The following ACACA variants were observed in gnomAD, a reference collection of about 807,000 sequenced individuals.
The protein encoded by ACACA is acetyl-CoA carboxylase 1.
A neutral mutation model predicts 296.1 loss-of-function variants in ACACA; 103 were observed. The ratio of observed to expected loss-of-function variants is 0.35; its 90% CI spans 0.30 to 0.41. The LOEUF (loss-of-function observed/expected upper bound fraction) is 0.41. ACACA is among the 10% of genes least tolerant of loss of function. ACACA has a pLI of 1.00. For missense variants in ACACA, 1,554 were observed against 2,989.7 expected (o/e 0.52, Z 11.20); for synonymous variants, 953 against 1,038.6 (o/e 0.92, Z 1.58).
In ACACA at chr17:37,097,684, T is replaced by G; in HGVS notation, c.6720+146A>C. On this transcript the variant is annotated intron_variant, in intron 53 of 55. Transcript: ENST00000616317. This position sits in a 1 kb window ranked among gnomAD's most constrained non-coding sequence, Gnocchi z 4.8. Reference sequence around the variant, plus strand: ...ATAACAGTTACAGAAACAGTGAAAATCTAAAAAATATTGAAAATGTTTTGA... The same window carrying G: ...ATAACAGTTACAGAAACAGTGAAAAGCTAAAAAATATTGAAAATGTTTTGA... 1.0e-6 allele frequency: 1 copy of G among 997,784 alleles called. No individual in the cohort carries two copies. The highest frequency in any genetic ancestry group is 1.5e-6 in the Non-Finnish European group (1 of 679,418). The allele number at this position is 997,784 out of a possible 1,614,324, so 61.8% of individuals were successfully genotyped here.
intron 47 of ACACA, among the ~76,000 whole-genome samples, chr17:37,128,024 C>CAAAAAAAAAAAAAA (rs1173864454): frequency 5.0e-5 from 2 of 39,714 alleles, no homozygotes; most frequent in Non-Finnish European, 9.2e-5. Context: ...AACTCCATCT[C>CAAAAAAAAAAAAAA]AAAAAAAAAA....
intron 1 of ACACA, among the ~76,000 whole-genome samples, chr17:37,382,795 G>A (rs564637527): frequency 6.6e-6 from 1 of 152,210 alleles, no homozygotes; most frequent in African/African-American, 2.4e-5. Context: ...AGGATGCAGA[G>A]GTTGTAGGGA....
chr17:37,157,529 A>ATTT (rs1232893626), intron 42 of ACACA, among the ~76,000 whole-genome samples: 6 of 111,938 alleles, frequency 5.4e-5, no homozygotes, highest in African/African-American at 2.3e-4. Context: ...AGATCATTCT[A>ATTT]TCTTTTTTTT....
intron 14 of ACACA, 87 bp downstream of exon 14, chr17:37,257,616 G>C: frequency 7.5e-7 from 1 of 1,340,102 alleles, no homozygotes; most frequent in South Asian, 1.2e-5. Context: ...TTTGACAGCA[G>C]ATGATTCCTA....
At chr17:37,232,517 G>C (rs1288192387) in intron 25 of ACACA, among the ~76,000 whole-genome samples, 1 of 152,062 alleles carries the variant, frequency 6.6e-6, no homozygotes, top group African/African-American at 2.4e-5. Context: ...AGAAGGAAGG[G>C]GGAACAGCTA....
At chr17:37,168,545 G>GA (rs139937394) in intron 41 of ACACA, among the ~76,000 whole-genome samples, 65 of 151,646 alleles carry the variant, frequency 4.3e-4, no homozygotes, top group African/African-American at 1.3e-3. Context: ...TTTAAGGGGG[G>GA]AAAAAAATCT....
At chr17:37,170,502 C>T (rs756149710) in intron 41 of ACACA, among the ~76,000 whole-genome samples, 3 of 152,092 alleles carry the variant, frequency 2.0e-5, no homozygotes, top group Non-Finnish European at 4.4e-5. Context: ...TTATTCACAA[C>T]CTCCGATCAG....
At position 37,274,699 on chromosome 17, in the gene ACACA, T is replaced by C. The variant is rs929492877; in HGVS notation, c.902-400A>G. On this transcript the variant is annotated intron_variant, in intron 8 of 55. Transcript: ENST00000616317. Reference sequence around the variant, plus strand: ...TTCAATCTTTATGAGCCCTTGGAAATAGAAATGGCGGTTTTATTGGCCTCA... The same window carrying C: ...TTCAATCTTTATGAGCCCTTGGAAACAGAAATGGCGGTTTTATTGGCCTCA... The C allele has an allele frequency of 4.1e-6, 4 of 984,892 alleles. No homozygotes were observed. The African/African-American group carries it at 7.0e-5, about 17-fold the overall frequency. 61.0% of individuals were successfully genotyped at this position (984,892 alleles called of 1,614,324 possible).
At chr17:37,246,585 A>G (rs990406368) in intron 19 of ACACA, among the ~76,000 whole-genome samples, 4 of 152,012 alleles carry the variant, frequency 2.6e-5, no homozygotes, top group Non-Finnish European at 5.9e-5. Flanking sequence ...GGCATGTGCC[A>G]CTGTACGCCG....
chr17:37,349,697 C>G (rs2147455145), intron 1 of ACACA, among the ~76,000 whole-genome samples: 1 of 151,374 alleles, frequency 6.6e-6, no homozygotes, highest in South Asian at 2.1e-4. Context: ...GCTGGGATTA[C>G]AGGTACCCAC....
chr17:37,274,164 G>C, intron 9 of ACACA, 29 bp downstream of exon 9: 1 of 1,565,660 alleles, frequency 6.4e-7, no homozygotes, highest in Non-Finnish European at 8.8e-7. Flanking sequence ...TCAGCTGAAA[G>C]GTATCACTCC....
At chr17:37,146,667 GA>G (rs1256839488) in intron 45 of ACACA, among the ~76,000 whole-genome samples, 3 of 133,066 alleles carry the variant, frequency 2.3e-5, no homozygotes, top group Admixed American at 1.5e-4. Flanking sequence ...AGGTGGGGGG[GA>G]AGGGGGGGGC....
At chr17:37,306,041 C>T (rs919453887) in intron 3 of ACACA, among the ~76,000 whole-genome samples, 6 of 151,366 alleles carry the variant, frequency 4.0e-5, no homozygotes, top group Non-Finnish European at 8.8e-5. Flanking sequence ...CCCGAGCAGC[C>T]GGGACTACAG....
rs1179061292 is a variant in ACACA, at chr17:37,259,348, AG to A, written c.1500+11del. The A allele has an allele frequency of 1.9e-6, 3 of 1,613,978 alleles. No individual in the cohort carries two copies. Among genetic ancestry groups the A allele is most frequent in the Non-Finnish European group, 2.5e-6 (3 of 1,180,018 alleles). On this transcript the variant is annotated intron_variant, in intron 12 of 55. Coordinates refer to ENST00000616317, the MANE Select transcript of ACACA (RefSeq NM_198834.3). Reference sequence around the variant, plus strand: ...TTTTCTAGGCTCTGCAACCCAGATCAGGGAGACTCACCTGGAGCTGTGCTGC... The same window carrying A: ...TTTTCTAGGCTCTGCAACCCAGATCAGGAGACTCACCTGGAGCTGTGCTGC...
intron 24 of ACACA, among the ~76,000 whole-genome samples, chr17:37,238,193 A>T (rs553438375): frequency 1.3e-5 from 2 of 152,214 alleles, no homozygotes; most frequent in East Asian, 3.9e-4. Context: ...TAACCATTTA[A>T]CAGCTTCACC....
chr17:37,217,231 A>T (rs1255905125), intron 29 of ACACA, among the ~76,000 whole-genome samples: 4 of 138,874 alleles, frequency 2.9e-5, no homozygotes, highest in African/African-American at 1.1e-4. Context: ...ACTGCACTCC[A>T]GCCTGGGCAA....
chr17:37,339,007 G>GGGAGGGAA, intron 2 of ACACA, among the ~76,000 whole-genome samples: 1 of 151,960 alleles, frequency 6.6e-6, no homozygotes, highest in African/African-American at 2.4e-5. Flanking sequence ...GAGGGAAAAA[G>GGGAGGGAA]AAAGAAAGGG....
At chr17:37,348,585 G>A (rs962371533) in intron 1 of ACACA, among the ~76,000 whole-genome samples, 1 of 152,150 alleles carries the variant, frequency 6.6e-6, no homozygotes, top group Admixed American at 6.5e-5. Flanking sequence ...ATAGGTTGCT[G>A]ATCAATTGTG....
chr17:37,205,495 C>G (rs2078455881), intron 33 of ACACA, among the ~76,000 whole-genome samples: 1 of 152,122 alleles, frequency 6.6e-6, no homozygotes, highest in Non-Finnish European at 1.5e-5. Context: ...ATTCGAAGTT[C>G]AAGACTGGAG....
Sources: allele counts gnomAD v4.1 joint callset (sites outside exome capture counted in the v4.1 genomes callset), GRCh38; gene constraint gnomAD v4.1.1; non-coding constraint Gnocchi (gnomAD v3.1); transcripts MANE v1.5; gene names NCBI Gene and HGNC (gene_info 2026-07-23, HGNC 2026-07-21).